The following RYR3 variants were observed in gnomAD, a reference collection of about 807,000 sequenced individuals.
The protein encoded by RYR3 is ryanodine receptor 3, also known as brain ryanodine receptor-calcium release channel.
Under a neutral mutation model 584.3 loss-of-function variants are expected in RYR3, and 207 were observed. The observed-to-expected ratio is 0.35, with a 90% confidence interval of 0.32 to 0.40. The LOEUF (loss-of-function observed/expected upper bound fraction) is 0.40, where lower values mean the gene tolerates loss of function less well. Ranked by LOEUF, RYR3 falls within the 10% of genes least tolerant of loss-of-function variation. RYR3 has a pLI of 1.00. For synonymous variants in RYR3, 2,416 were observed against 2,248.5 expected (o/e 1.07, Z -2.11); for missense variants, 5,616 against 6,089.2 (o/e 0.92, Z 2.59).
Position 33,630,028 on chromosome 15 carries a change from C to G in RYR3, c.2768C>G (p.Ser923Ter). ...ETEKNYNLQM[S>*]TETLKTLLAL... ...GAGAAGAACTATAACCTGCAAATGTCAACTGAAACCTTAAAGTGAGTATTT... is the reference window on the plus strand; with the variant it reads ...GAGAAGAACTATAACCTGCAAATGTGAACTGAAACCTTAAAGTGAGTATTT... Residue 923 changes from serine (S) to a stop codon, truncating the protein, a stop_gained, in exon 22 of 104, where the codon TCA becomes TGA. Transcript: ENST00000634891. LOFTEE classifies it high-confidence loss of function. The G allele has an allele frequency of 1.9e-6, 3 of 1,589,304 alleles. No individual in the cohort carries two copies. Among genetic ancestry groups the G allele is most frequent in the Non-Finnish European group, 2.6e-6 (3 of 1,164,144 alleles).
rs1423432695 is a variant in RYR3 at position 33,865,725 on chromosome 15, G to GAAAC, written c.*501_*504dup. ...TCCAGAAAAGCTTTAAGCAGTTAAA[G>GAAAC]AAACAGAAAAAAACCGACACTTTGT... On this transcript the variant is annotated 3_prime_UTR_variant, in exon 104 of 104. Coordinates refer to ENST00000634891, the MANE Select transcript of RYR3 (RefSeq NM_001036.6). The GAAAC allele has an allele frequency of 5.9e-5, 9 of 153,428 alleles. No individual in the cohort carries two copies. The highest frequency in any genetic ancestry group is 4.4e-5 in the Non-Finnish European group (3 of 68,702). The allele number at this position is 153,428 out of a possible 1,614,324, so 9.5% of individuals were successfully genotyped here.
chr15:33,772,208 T>G, intron 63 of RYR3, 50 bp downstream of exon 63: 1 of 1,232,642 alleles, frequency 8.1e-7, no homozygotes, highest in Admixed American at 1.9e-5. Context: ...TGGCCCCAGA[T>G]AGGAGGTGCA....
intron 15 of RYR3, among the ~76,000 whole-genome samples, chr15:33,585,519 T>C (rs1012608448): frequency 6.6e-6 from 1 of 152,106 alleles, no homozygotes; most frequent in Non-Finnish European, 1.5e-5. Flanking sequence ...GATACATGAG[T>C]AGACCTAAAA....
At chr15:33,619,526 T>G (rs188234599) in intron 19 of RYR3, among the ~76,000 whole-genome samples, 2 of 152,192 alleles carry the variant, frequency 1.3e-5, no homozygotes, top group Non-Finnish European at 2.9e-5. Context: ...AGGTTTAACT[T>G]TATTGCTTCT....
intron 1 of RYR3, among the ~76,000 whole-genome samples, chr15:33,438,998 G>A (rs1195125114): frequency 6.6e-6 from 1 of 152,122 alleles, no homozygotes; most frequent in Non-Finnish European, 1.5e-5. Context: ...TGACCCAAGA[G>A]TCGAGCAGTA....
intron 77 of RYR3, among the ~76,000 whole-genome samples, chr15:33,820,230 G>A (rs2077037823): frequency 6.6e-6 from 1 of 152,192 alleles, no homozygotes; most frequent in East Asian, 1.9e-4. Context: ...GAAAGATGGT[G>A]ACCTCTGGAA....
In RYR3 at chr15:33,489,554, C is replaced by T. The variant is rs118038911; in HGVS notation, c.172-14077C>T. 3.6e-3 allele frequency among the ~76,000 whole-genome samples: 554 copies of T among 152,334 alleles called. 8 individuals carry two copies. The East Asian group carries it at 0.049, about 14-fold the overall frequency. On this transcript the variant is annotated intron_variant, in intron 2 of 103. Coordinates refer to ENST00000634891, the MANE Select transcript of RYR3 (RefSeq NM_001036.6). ...GACGTAACATCGCTCTTTTTTATGGCTGCATAGTATTCCATGGTGTATGAG... is the reference window on the plus strand; with the variant it reads ...GACGTAACATCGCTCTTTTTTATGGTTGCATAGTATTCCATGGTGTATGAG...
intron 48 of RYR3, among the ~76,000 whole-genome samples, chr15:33,735,446 G>A (rs2069365384): frequency 6.6e-6 from 1 of 152,166 alleles, no homozygotes; most frequent in Non-Finnish European, 1.5e-5. Flanking sequence ...AGGGGTGTCA[G>A]CTTTACCTCC....
intron 11 of RYR3, among the ~76,000 whole-genome samples, chr15:33,566,308 A>C (rs1460076858): frequency 6.6e-6 from 1 of 152,194 alleles, no homozygotes; most frequent in Non-Finnish European, 1.5e-5. Context: ...CTGGAGGAAA[A>C]GGCTTTGAAC....
chr15:33,856,355 C>G (rs560216149), intron 98 of RYR3: 3 of 152,406 alleles, frequency 2.0e-5, no homozygotes, highest in African/African-American at 7.2e-5. Context: ...AGCTCTGATC[C>G]TGTTGATCTT....
In RYR3 at chr15:33,696,309, C is replaced by T. The variant is rs778117187; in HGVS notation, c.5952C>T (p.Asn1984=). Reference sequence around the variant, plus strand: ...CAGAGCTGGTCCGAATGATGTTCAACCTCCTCCGGAGGCAGTATGACAGCA... The same window carrying T: ...CAGAGCTGGTCCGAATGATGTTCAATCTCCTCCGGAGGCAGTATGACAGCA... ...QDSELVRMMF[N]LLRRQYDSIG... Residue 1984 remains asparagine (N), a synonymous_variant, in exon 39 of 104, where the codon AAC becomes AAT. Coordinates refer to ENST00000634891, the MANE Select transcript of RYR3 (RefSeq NM_001036.6). The T allele has an allele frequency of 9.9e-6, 16 of 1,613,872 alleles. No homozygotes were observed. Among genetic ancestry groups the T allele is most frequent in the South Asian group, 5.5e-5 (5 of 91,074 alleles).
chr15:33,601,025 G>T (rs1267746617), intron 16 of RYR3, among the ~76,000 whole-genome samples: 5 of 152,134 alleles, frequency 3.3e-5, no homozygotes, highest in Non-Finnish European at 5.9e-5. Context: ...ACAGTGAGCA[G>T]GGCCTGGATT....
At chr15:33,320,966 G>A (rs1323366131) in intron 1 of RYR3, among the ~76,000 whole-genome samples, 2 of 152,156 alleles carry the variant, frequency 1.3e-5, no homozygotes, top group Admixed American at 6.5e-5. Flanking sequence ...ATATGAGCAG[G>A]CTTTGTGAAT....
At chr15:33,599,641 C>T (rs780752365) in intron 16 of RYR3, among the ~76,000 whole-genome samples, 36 of 152,152 alleles carry the variant, frequency 2.4e-4, no homozygotes, top group Non-Finnish European at 4.7e-4. Flanking sequence ...CTGAATAGAA[C>T]GGGAGGCAGG....
At chr15:33,693,764 T>C (rs1455614048) in intron 38 of RYR3, among the ~76,000 whole-genome samples, 3 of 152,232 alleles carry the variant, frequency 2.0e-5, no homozygotes. Context: ...TGAAGAATGA[T>C]AGCAAGAAGG....
At chr15:33,772,861 A>G (rs2073691613) in intron 63 of RYR3, among the ~76,000 whole-genome samples, 1 of 152,248 alleles carries the variant, frequency 6.6e-6, no homozygotes, top group African/African-American at 2.4e-5. Flanking sequence ...GAAACAGTGC[A>G]GTTCCTTGGT....
At chr15:33,332,031 G>A (rs1271809719) in intron 1 of RYR3, among the ~76,000 whole-genome samples, 4 of 151,992 alleles carry the variant, frequency 2.6e-5, no homozygotes, top group African/African-American at 9.7e-5. Flanking sequence ...AGAAAGGAAG[G>A]AAGGAAATAG....
At chr15:33,546,805 G>GA (rs200503765) in intron 8 of RYR3, among the ~76,000 whole-genome samples, 1,727 of 147,806 alleles carry the variant, frequency 0.012, 14 homozygotes, top group Admixed American at 0.02. Flanking sequence ...TACTTCTCCA[G>GA]AAAAAAAAAA....
chr15:33,420,941 G>A (rs896730849), intron 1 of RYR3, among the ~76,000 whole-genome samples: 2 of 152,076 alleles, frequency 1.3e-5, no homozygotes, highest in African/African-American at 2.4e-5. Flanking sequence ...CATGCAGTGT[G>A]CTGGAGACTG....
Sources: gnomAD v4.1 joint callset for allele counts (sites outside exome capture counted in the v4.1 genomes callset) on GRCh38, gnomAD v4.1.1 for gene constraint, MANE v1.5 for transcripts, NCBI Gene and HGNC (gene_info 2026-07-23, HGNC 2026-07-21) for gene names.